The following DIAPH2 variants were observed in gnomAD, a reference collection of about 807,000 sequenced individuals.
The protein encoded by DIAPH2 is protein diaphanous homolog 2.
A neutral mutation model predicts 92.7 loss-of-function variants in DIAPH2; 35 were observed. That is an observed-to-expected ratio of 0.38 (90% CI 0.29 to 0.50). The LOEUF (loss-of-function observed/expected upper bound fraction) is 0.50, where lower values mean the gene tolerates loss of function less well. Ranked by LOEUF, DIAPH2 falls within the 20% of genes least tolerant of loss-of-function variation. The probability of loss-of-function intolerance (pLI) is 0.94; values close to 1 mark genes in which losing one functional copy is unlikely to be tolerated. For missense variants in DIAPH2, 701 were observed against 819.5 expected (o/e 0.86, Z 1.77); for synonymous variants, 301 against 280.4 (o/e 1.07, Z -0.73).
At chrX:97,291,055 G>A (rs2068585799) in intron 23 of DIAPH2, among the ~76,000 whole-genome samples, 1 of 109,032 alleles carries the variant, frequency 9.2e-6, no homozygotes, top group Admixed American at 9.8e-5. Context: ...CCATGCCACT[G>A]ACTCCAGCCT....
chrX:96,925,598 C>T (rs2065575326), intron 9 of DIAPH2, among the ~76,000 whole-genome samples: 1 of 111,557 alleles, frequency 9.0e-6, no homozygotes, highest in African/African-American at 3.3e-5. Context: ...CCAATGTTGT[C>T]TTTCTGAAAT....
rs534057507 is a variant in DIAPH2 at position 97,534,313 on chromosome X, G to A, written c.3242-64940G>A. The stretch of plus-strand genomic sequence containing the variant: ...CACATTGCCTAAATCCTTGTGGCTA[G>A]GATTACTTAAATTTTTCTACATGGT... On this transcript the variant is annotated intron_variant, in intron 26 of 26. Coordinates refer to ENST00000324765, the MANE Select transcript of DIAPH2 (RefSeq NM_006729.5). Among the ~76,000 whole-genome samples, 3 of 109,683 alleles carry A rather than the reference G, an allele frequency of 2.7e-5. No homozygotes were observed. In the Admixed American group the frequency reaches 2.9e-4, roughly 11 times the overall value.
At chrX:96,798,576 T>C (rs1289588383) in intron 4 of DIAPH2, among the ~76,000 whole-genome samples, 1 of 111,705 alleles carries the variant, frequency 9.0e-6, no homozygotes, top group Admixed American at 9.5e-5. Context: ...ATCTCTGTCA[T>C]GTCTAGATTT....
Position 97,201,080 on chromosome X carries a change from G to T in DIAPH2, c.2720-46635G>T, listed in dbSNP as rs775932811. On this transcript the variant is annotated intron_variant, in intron 22 of 26. Coordinates refer to ENST00000324765, the MANE Select transcript of DIAPH2 (RefSeq NM_006729.5). ...ACTCCAGCAGAACTGCAGAAGAGAG[G>T]CCTGTTAGAAGAAAAACTAACAGAA... Among the ~76,000 whole-genome samples, 15 of 107,618 alleles carry T rather than the reference G, an allele frequency of 1.4e-4. No homozygotes were observed. In the South Asian group the frequency reaches 5.6e-3, roughly 40 times the overall value. The allele number at this position is 107,618 out of a possible 115,157, so 93.5% of individuals were successfully genotyped here.
Position 97,600,697 on chromosome X carries a change from G to GAT in DIAPH2, c.*1381_*1382dup, listed in dbSNP as rs2071588601. The GAT allele has an allele frequency of 9.0e-6, 1 of 111,332 alleles. No individual in the cohort carries two copies. The highest frequency in any genetic ancestry group is 9.6e-5 in the Admixed American group (1 of 10,391). The allele number at this position is 111,332 out of a possible 1,213,427, so 9.2% of individuals were successfully genotyped here. The stretch of plus-strand genomic sequence containing the variant: ...TTAAGTCTAATTCATGCAGATGATT[G>GAT]ATTGTGATTATTGTAAGAAATTTCT... On this transcript the variant is annotated 3_prime_UTR_variant, in exon 27 of 27. Transcript: ENST00000324765.
chrX:97,127,827 C>T (rs1383405249), intron 21 of DIAPH2, among the ~76,000 whole-genome samples: 4 of 111,929 alleles, frequency 3.6e-5, no homozygotes, highest in Middle Eastern at 4.7e-3. Flanking sequence ...GGCAACATGG[C>T]GAAACCCCAT....
rs745776139 is a variant in DIAPH2 at position 97,599,927 on chromosome X, A to ACTT, written c.*611_*613dup. 63 of 112,628 alleles carry ACTT rather than the reference A, an allele frequency of 5.6e-4. No individual in the cohort carries two copies. The highest frequency in any genetic ancestry group is 4.7e-3 in the Middle Eastern group (1 of 215). 9.3% of individuals were successfully genotyped at this position (112,628 alleles called of 1,213,427 possible). On this transcript the variant is annotated 3_prime_UTR_variant, in exon 27 of 27. Transcript: ENST00000324765. ...ATTCATCTGCTTTGGCTGAAATTAA[A>ACTT]CTTATCATTAGTCTAGCTAGCATTT...
intron 26 of DIAPH2, among the ~76,000 whole-genome samples, chrX:97,588,996 A>AATATATATATATATATAT (rs199558439): frequency 0.11 from 3,492 of 31,515 alleles, 628 homozygotes; most frequent in Non-Finnish European, 0.17. Flanking sequence ...ATATTATAGA[A>AATATATATATATATATAT]ATATATATAT....
chrX:97,113,255 C>A (rs1277004544), intron 20 of DIAPH2, among the ~76,000 whole-genome samples: 1 of 111,466 alleles, frequency 9.0e-6, no homozygotes, highest in East Asian at 2.8e-4. Context: ...AACTTAATTT[C>A]TTTTTACCTA....
At position 97,383,989 on chromosome X, in the gene DIAPH2, A is replaced by G; in HGVS notation, c.3090A>G (p.Glu1030=). 8.3e-7 allele frequency: 1 copy of G among 1,206,136 alleles called. No homozygotes were observed. Among genetic ancestry groups the G allele is most frequent in the Non-Finnish European group, 1.1e-6 (1 of 891,847 alleles). Residue 1030 remains glutamate (E), a synonymous_variant, in exon 25 of 27, where the codon GAA becomes GAG. Transcript: ENST00000324765. ...CAAAACTTGCAAAAGAGAAAGCTGAACAAGAAAAGTTAGAACGCCAGAAGA... is the reference window on the plus strand; with the variant it reads ...CAAAACTTGCAAAAGAGAAAGCTGAGCAAGAAAAGTTAGAACGCCAGAAGA... The part of the protein sequence containing the change: ...RRAKLAKEKA[E]QEKLERQKKK...
intron 22 of DIAPH2, among the ~76,000 whole-genome samples, chrX:97,243,481 A>G (rs1488936636): frequency 9.6e-6 from 1 of 103,681 alleles, no homozygotes; most frequent in Non-Finnish European, 1.9e-5. Flanking sequence ...CAAAGGTAAC[A>G]TAATTCCCCC....
intron 4 of DIAPH2, among the ~76,000 whole-genome samples, chrX:96,854,162 G>A (rs1236133712): frequency 9.0e-6 from 1 of 110,499 alleles, no homozygotes; most frequent in Admixed American, 9.7e-5. Context: ...CTTTCTACTG[G>A]TACTAAATAT....
At chrX:97,309,636 T>A (rs1405412536) in intron 23 of DIAPH2, among the ~76,000 whole-genome samples, 1 of 111,868 alleles carries the variant, frequency 8.9e-6, no homozygotes, top group Non-Finnish European at 1.9e-5. Context: ...TTTCTCTGAA[T>A]CTCCTTATCG....
chrX:97,317,487 G>C (rs2068849926), intron 23 of DIAPH2, among the ~76,000 whole-genome samples: 1 of 111,881 alleles, frequency 8.9e-6, no homozygotes, highest in Admixed American at 9.6e-5. Flanking sequence ...TTTTGCTTAT[G>C]ATTACCTGAT....
At chrX:96,859,802 C>T (rs919930384) in intron 4 of DIAPH2, among the ~76,000 whole-genome samples, 4 of 109,645 alleles carry the variant, frequency 3.6e-5, no homozygotes, top group South Asian at 7.9e-4. Flanking sequence ...CCACCACGCC[C>T]GGCTAATTTT....
chrX:96,864,950 TA>T (rs1338480732), intron 4 of DIAPH2, among the ~76,000 whole-genome samples: 4 of 112,193 alleles, frequency 3.6e-5, no homozygotes. Flanking sequence ...ATTACTGAAA[TA>T]TTTTTTTCTA....
At chrX:97,554,372 G>C (rs764837073) in intron 26 of DIAPH2, among the ~76,000 whole-genome samples, 2 of 111,962 alleles carry the variant, frequency 1.8e-5, no homozygotes, top group South Asian at 7.5e-4. Context: ...TTTTTCTCTG[G>C]TCTACATATG....
intron 23 of DIAPH2, among the ~76,000 whole-genome samples, chrX:97,312,722 A>G (rs750813852): frequency 1.4e-3 from 161 of 111,435 alleles, no homozygotes; most frequent in African/African-American, 4.8e-3. Flanking sequence ...AAAATTATAC[A>G]CTAGATGTGT....
rs751160610 is a variant in DIAPH2, at chrX:96,975,326, G to A, written c.2050+10119G>A. ...TCTATATTTAGTGAACTAATGAAAA[G>A]ACAAAAGAGTGGTAAAGTGTAATTC... On this transcript the variant is annotated intron_variant, in intron 17 of 26. Transcript: ENST00000324765. Among the ~76,000 whole-genome samples the A allele has an allele frequency of 1.4e-4, 16 of 111,850 alleles. No individual in the cohort carries two copies. The South Asian group carries it at 4.4e-3, about 31-fold the overall frequency.
Sources: gnomAD v4.1 joint callset for allele counts (sites outside exome capture counted in the v4.1 genomes callset) on GRCh38, gnomAD v4.1.1 for gene constraint, MANE v1.5 for transcripts, NCBI Gene and HGNC (gene_info 2026-07-23, HGNC 2026-07-21) for gene names.